Variants in RELN observed in about 807,000 individuals in gnomAD.
RELN encodes reelin.
Under a neutral mutation model 427.6 loss-of-function variants are expected in RELN, and 108 were observed. That is an observed-to-expected ratio of 0.25 (90% CI 0.22 to 0.30). The LOEUF (loss-of-function observed/expected upper bound fraction) is 0.30. Ranked by LOEUF, RELN falls within the 10% of genes least tolerant of loss-of-function variation. RELN has a pLI of 1.00. For synonymous variants in RELN, 1,524 were observed against 1,513.4 expected, an observed-to-expected ratio of 1.01 and a Z score of -0.16; for missense variants, 3,715 against 4,302.8, an observed-to-expected ratio of 0.86 and a Z score of 3.82.
chr7:103,503,326 T>A, intron 51 of RELN, 96 bp from the exon 52 acceptor site: 1 of 940,482 alleles, frequency 1.1e-6, no homozygotes, highest in Admixed American at 1.8e-5. Flanking sequence ...TCACTTGATA[T>A]ACACTGTACC....
intron 50 of RELN, chr7:103,513,297 T>C (rs950278093): frequency 6.6e-6 from 1 of 152,222 alleles, no homozygotes; most frequent in African/African-American, 2.4e-5. Context: ...GCAAGACAGA[T>C]AGGAGCCAGA....
intron 5 of RELN, 91 bp from the exon 6 acceptor site, chr7:103,749,595 A>G: frequency 1.1e-6 from 1 of 939,486 alleles, no homozygotes; most frequent in Non-Finnish European, 1.7e-6. Context: ...TTTATGAAGA[A>G]TAATGTATCC....
chr7:103,613,622 T>C (rs1460781333), intron 20 of RELN, among the ~76,000 whole-genome samples: 1 of 152,198 alleles, frequency 6.6e-6, no homozygotes, highest in Non-Finnish European at 1.5e-5. Context: ...GCTTTTAGCT[T>C]CAAGGGTTAA....
At chr7:103,696,683 T>C (rs1329270395) in intron 10 of RELN, among the ~76,000 whole-genome samples, 1 of 152,096 alleles carries the variant, frequency 6.6e-6, no homozygotes, top group African/African-American at 2.4e-5. Context: ...CTGGCCAATA[T>C]GATCTCTCAC....
chr7:103,755,847 T>C (rs1308406235), intron 4 of RELN, among the ~76,000 whole-genome samples: 2 of 149,100 alleles, frequency 1.3e-5, no homozygotes, highest in South Asian at 2.1e-4. Context: ...CATGATAGTT[T>C]ACCATGCCTA....
Position 103,593,863 on chromosome 7 carries a change from G to C in RELN, c.3731C>G (p.Ala1244Gly). ...CATCTGATTCATAGGGTAATCAAAA[G>C]CTGGCTTCTCATAAAAGTTCTAATA... is the stretch of plus-strand genomic sequence containing the variant. ...TLPQNFYEKPAFDYPMNQMSV... is the reference protein window; with the variant it reads ...TLPQNFYEKPGFDYPMNQMSV... The change falls in exon 27 of 65, where the codon GCT becomes GGT. Residue 1244 changes from alanine to glycine, a missense_variant. This residue lies in a region of RELN where 2,208 missense variants were observed against 2,361.7 expected (regional missense o/e 0.93). Transcript: ENST00000428762. 1 of 1,613,488 alleles carries C rather than the reference G, an allele frequency of 6.2e-7. No individual in the cohort carries two copies. The highest frequency in any genetic ancestry group is 8.5e-7 in the Non-Finnish European group (1 of 1,179,584).
At chr7:103,491,368 G>A (rs953624670) in intron 58 of RELN, among the ~76,000 whole-genome samples, 1 of 152,034 alleles carries the variant, frequency 6.6e-6, no homozygotes, top group Non-Finnish European at 1.5e-5. Context: ...CAAATGTAGT[G>A]CTTTGCTTAT....
chr7:103,790,658 T>C (rs1042510497), intron 3 of RELN, among the ~76,000 whole-genome samples: 2 of 151,908 alleles, frequency 1.3e-5, no homozygotes, highest in Non-Finnish European at 2.9e-5. Context: ...GGTCATAGGA[T>C]TGGTGTCCTT....
At chr7:103,967,428 C>A (rs1043849040) in intron 1 of RELN, among the ~76,000 whole-genome samples, 1 of 152,118 alleles carries the variant, frequency 6.6e-6, no homozygotes, top group Admixed American at 6.5e-5. Context: ...AGGTGGTTGT[C>A]TGCACTTTCC....
chr7:103,903,274 G>GTTT lies in RELN; in HGVS notation c.337+13798_337+13800dup, dbSNP rs200223959. On this transcript the variant is annotated intron_variant, in intron 2 of 64. Coordinates refer to ENST00000428762, the MANE Select transcript of RELN (RefSeq NM_005045.4). ...CAGCAAAGACCCATGATTCCTAAGTGTTTTTTTTTTTTTCCTCAATTCGTA... is the reference window on the plus strand; with the variant it reads ...CAGCAAAGACCCATGATTCCTAAGTGTTTTTTTTTTTTTTTTCCTCAATTCGTA... Among the ~76,000 whole-genome samples the GTTT allele has an allele frequency of 7.6e-3, 1,085 of 142,832 alleles. 19 individuals are homozygous for GTTT. The highest frequency in any genetic ancestry group is 0.026 in the African/African-American group (1,019 of 39,200). 93.7% of individuals were successfully genotyped at this position (142,832 alleles called of 152,430 possible).
At chr7:103,478,737 T>C (rs1828126313) in intron 63 of RELN, among the ~76,000 whole-genome samples, 1 of 152,206 alleles carries the variant, frequency 6.6e-6, no homozygotes, top group African/African-American at 2.4e-5. Flanking sequence ...ATTTTTCAAT[T>C]ATTTTACATT....
intron 4 of RELN, among the ~76,000 whole-genome samples, chr7:103,766,539 A>G (rs1791428508): frequency 6.6e-6 from 1 of 152,250 alleles, no homozygotes; most frequent in African/African-American, 2.4e-5. Context: ...ATAGTTGGGT[A>G]TAAAGTTACA....
chr7:103,639,663 T>C (rs1242801879), intron 17 of RELN, among the ~76,000 whole-genome samples: 1 of 152,070 alleles, frequency 6.6e-6, no homozygotes, highest in Non-Finnish European at 1.5e-5. Flanking sequence ...CCTCCTAAAG[T>C]ACTGGAATTA....
At chr7:103,864,414 T>A (rs746641758) in intron 2 of RELN, among the ~76,000 whole-genome samples, 40 of 152,172 alleles carry the variant, frequency 2.6e-4, no homozygotes, top group Non-Finnish European at 2.9e-5. Context: ...TCACCTTGTA[T>A]AACTAAAACT....
At chr7:103,718,023 CAA>C (rs1188432762) in intron 8 of RELN, among the ~76,000 whole-genome samples, 1 of 152,102 alleles carries the variant, frequency 6.6e-6, no homozygotes, top group Admixed American at 6.5e-5. Flanking sequence ...ATACCTTTTA[CAA>C]GTGACATTTT....
At chr7:103,959,724 C>T (rs913779337) in intron 1 of RELN, among the ~76,000 whole-genome samples, 3 of 152,150 alleles carry the variant, frequency 2.0e-5, no homozygotes, top group Non-Finnish European at 4.4e-5. Flanking sequence ...GATCCTCTTG[C>T]CTCAGTTTCC....
chr7:103,833,725 T>C, intron 2 of RELN, 53 bp from the exon 3 acceptor site: 1 of 1,516,550 alleles, frequency 6.6e-7, no homozygotes, highest in Non-Finnish European at 9.1e-7. Context: ...AAGATCTTCC[T>C]ATCATGGCAT....
At chr7:103,672,100 G>A (rs985929818) in intron 11 of RELN, among the ~76,000 whole-genome samples, 3 of 152,092 alleles carry the variant, frequency 2.0e-5, no homozygotes, top group Admixed American at 1.3e-4. Context: ...AAACTGTTCC[G>A]AAGAGCTCTA....
intron 10 of RELN, among the ~76,000 whole-genome samples, chr7:103,693,550 A>AT (rs1354345093): frequency 1.3e-5 from 2 of 151,634 alleles, no homozygotes; most frequent in African/African-American, 2.4e-5. Flanking sequence ...CAAAATAAAA[A>AT]AAAAATAAAA....
Sources: allele counts gnomAD v4.1 joint callset (sites outside exome capture counted in the v4.1 genomes callset), GRCh38; gene constraint gnomAD v4.1.1; regional missense constraint gnomAD v4.1.1; transcripts MANE v1.5; gene names NCBI Gene and HGNC (gene_info 2026-07-23, HGNC 2026-07-21).